Variants in CEP112 observed in about 807,000 individuals in gnomAD.
The protein encoded by CEP112 is centrosomal protein 112.
In CEP112, 127 loss-of-function variants were observed where a neutral mutation model predicts 153.0. That is an observed-to-expected ratio of 0.83 (90% CI 0.72 to 0.96). The LOEUF is 0.96. Ranked by LOEUF, CEP112 falls within the 40% of genes least tolerant of loss-of-function variation. CEP112 has a pLI of 0.00. For missense variants in CEP112, 1,089 were observed against 1,101.2 expected (o/e 0.99, Z 0.16); for synonymous variants, 358 against 374.4 (o/e 0.96, Z 0.51).
chr17:65,989,324 G>T (rs890966849), intron 17 of CEP112, among the ~76,000 whole-genome samples: 1 of 151,640 alleles, frequency 6.6e-6, no homozygotes, highest in East Asian at 1.9e-4. Context: ...TAAACATTGG[G>T]CACTCAAAGG....
intron 19 of CEP112, among the ~76,000 whole-genome samples, chr17:65,916,222 C>A (rs907610356): frequency 7.3e-5 from 11 of 151,206 alleles, no homozygotes; most frequent in African/African-American, 2.4e-4. Flanking sequence ...CATTACCTCA[C>A]CCTACCTTAA....
At chr17:65,782,034 C>T (rs2054024704) in intron 21 of CEP112, among the ~76,000 whole-genome samples, 1 of 152,002 alleles carries the variant, frequency 6.6e-6, no homozygotes, top group South Asian at 2.1e-4. Context: ...AGATCTTCTG[C>T]ACAGCAAAAT....
At chr17:65,658,775 C>A (rs774507834) in intron 24 of CEP112, among the ~76,000 whole-genome samples, 1 of 151,872 alleles carries the variant, frequency 6.6e-6, no homozygotes. Context: ...GGGACTTCCA[C>A]ATTTAGGATG....
intron 17 of CEP112, among the ~76,000 whole-genome samples, chr17:66,005,406 T>TA (rs1196674260): frequency 6.6e-6 from 1 of 152,180 alleles, no homozygotes; most frequent in African/African-American, 2.4e-5. Context: ...TCTCATTTTT[T>TA]AAAAAATATG....
intron 21 of CEP112, among the ~76,000 whole-genome samples, chr17:65,814,945 T>C (rs1279909118): frequency 6.6e-6 from 1 of 152,174 alleles, no homozygotes; most frequent in Non-Finnish European, 1.5e-5. Context: ...TTTTCAGGTA[T>C]ATATTTTGCA....
At chr17:66,084,642 G>T in intron 8 of CEP112, among the ~76,000 whole-genome samples, 1 of 152,130 alleles carries the variant, frequency 6.6e-6, no homozygotes, top group East Asian at 1.9e-4. Context: ...ATAGAGAGTA[G>T]AATGATGGTT....
chr17:65,719,538 T>A (rs547696293), intron 23 of CEP112, among the ~76,000 whole-genome samples: 1 of 152,062 alleles, frequency 6.6e-6, no homozygotes, highest in African/African-American at 2.4e-5. Context: ...GCTGAGATCA[T>A]GCCACCGCAC....
At chr17:66,092,856 G>A (rs1189602902) in intron 8 of CEP112, among the ~76,000 whole-genome samples, 1 of 152,078 alleles carries the variant, frequency 6.6e-6, no homozygotes, top group African/African-American at 2.4e-5. Context: ...AGGTATAGAA[G>A]AAATGTACCT....
intron 23 of CEP112, among the ~76,000 whole-genome samples, chr17:65,741,120 T>G (rs1013805231): frequency 2.0e-5 from 3 of 152,174 alleles, no homozygotes; most frequent in African/African-American, 7.2e-5. Flanking sequence ...TTTCCCCATT[T>G]GTAATATGGG....
At chr17:65,937,506 G>T (rs538077273) in intron 18 of CEP112, among the ~76,000 whole-genome samples, 1 of 110,888 alleles carries the variant, frequency 9.0e-6, no homozygotes. Context: ...CCTGGCAACC[G>T]CCCCGTCTGA....
chr17:65,790,364 G>A (rs1317925464), intron 21 of CEP112, among the ~76,000 whole-genome samples: 1 of 152,136 alleles, frequency 6.6e-6, no homozygotes, highest in African/African-American at 2.4e-5. Context: ...TGGGGAATAA[G>A]GAAAAAGGTG....
At chr17:66,056,624 A>G (rs931425331) in intron 11 of CEP112, among the ~76,000 whole-genome samples, 1 of 152,196 alleles carries the variant, frequency 6.6e-6, no homozygotes, top group Non-Finnish European at 1.5e-5. Flanking sequence ...AAGTGAAAGA[A>G]GCCAGTCACA....
chr17:65,860,336 G>A (rs1014901561), intron 20 of CEP112, among the ~76,000 whole-genome samples: 3 of 152,128 alleles, frequency 2.0e-5, no homozygotes, highest in Non-Finnish European at 2.9e-5. Context: ...GGTGATGAAA[G>A]TCTCTTCATC....
intron 19 of CEP112, among the ~76,000 whole-genome samples, chr17:65,909,357 G>A (rs1287523064): frequency 6.6e-6 from 1 of 152,212 alleles, no homozygotes; most frequent in Non-Finnish European, 1.5e-5. Flanking sequence ...GAGGAAGAGA[G>A]GGAGTCACAG....
At chr17:66,138,245 G>A (rs2070526375) in intron 4 of CEP112, among the ~76,000 whole-genome samples, 5 of 152,184 alleles carry the variant, frequency 3.3e-5, no homozygotes, top group Admixed American at 2.0e-4. Context: ...AGGAAGAGGA[G>A]TTCGTCAACA....
At chr17:66,086,124 A>G (rs1393706507) in intron 8 of CEP112, among the ~76,000 whole-genome samples, 1 of 152,154 alleles carries the variant, frequency 6.6e-6, no homozygotes, top group Non-Finnish European at 1.5e-5. Context: ...GAGTTGAGAA[A>G]GGGATGATTA....
intron 12 of CEP112, among the ~76,000 whole-genome samples, chr17:66,038,207 GCT>G (rs2065824153): frequency 6.6e-6 from 1 of 152,112 alleles, no homozygotes; most frequent in Non-Finnish European, 1.5e-5. Context: ...AAGCTGGCAT[GCT>G]TTCTCACATG....
chr17:65,868,772 A>T (rs972340441), intron 20 of CEP112, among the ~76,000 whole-genome samples: 1 of 152,236 alleles, frequency 6.6e-6, no homozygotes, highest in Non-Finnish European at 1.5e-5. Context: ...ATTCATCTAA[A>T]CAGTGAAAAT....
intron 23 of CEP112, among the ~76,000 whole-genome samples, chr17:65,734,158 A>G (rs961963691): frequency 6.6e-6 from 1 of 152,228 alleles, no homozygotes; most frequent in African/African-American, 2.4e-5. Context: ...TACAGCAAAC[A>G]CTTCATTAGA....
Sources: allele counts gnomAD v4.1 joint callset (sites outside exome capture counted in the v4.1 genomes callset), GRCh38; gene constraint gnomAD v4.1.1; transcripts MANE v1.5; gene names NCBI Gene and HGNC (gene_info 2026-07-23, HGNC 2026-07-21).